SLC6A19: variants seen among roughly 807,000 people sequenced by gnomAD.
SLC6A19 encodes solute carrier family 6 member 19.
SLC6A19 carries 67 observed loss-of-function variants against 68.3 expected under a neutral mutation model. The ratio of observed to expected loss-of-function variants is 0.98; its 90% confidence interval spans 0.81 to 1.20. The LOEUF is 1.20. Ranked by LOEUF, SLC6A19 falls within the 50% of genes most tolerant of loss-of-function variation. SLC6A19 has a pLI of 0.00. For missense variants in SLC6A19, 813 were observed against 851.6 expected, an observed-to-expected ratio of 0.95 and a Z score of 0.56; for synonymous variants, 392 against 374.9, an observed-to-expected ratio of 1.05 and a Z score of -0.53.
intron 1 of SLC6A19, among the ~76,000 whole-genome samples, chr5:1,203,252 G>T (rs1386426264): frequency 6.6e-6 from 1 of 152,172 alleles, no homozygotes; most frequent in Non-Finnish European, 1.5e-5. Flanking sequence ...TAAGATGCGG[G>T]CTTGGGCAGG....
At chr5:1,208,622 C>A in intron 1 of SLC6A19, 124 bp from the exon 2 acceptor site, 1 of 1,340,454 alleles carries the variant, frequency 7.5e-7, no homozygotes. Flanking sequence ...CATCTCAGCT[C>A]TGTTCCCAAG....
chr5:1,202,717 G>T (rs929639447), intron 1 of SLC6A19, among the ~76,000 whole-genome samples: 25 of 152,172 alleles, frequency 1.6e-4, no homozygotes, highest in Non-Finnish European at 2.8e-4. Context: ...CTCAGCCTCC[G>T]TTTAGAGGAG....
At chr5:1,217,040 C>A (rs900986118) in intron 8 of SLC6A19, 95 bp downstream of exon 8, 1 of 1,585,896 alleles carries the variant, frequency 6.3e-7, no homozygotes. Context: ...GTGGAGGACG[C>A]AGATGCTGAG....
At position 1,219,063 on chromosome 5, in the gene SLC6A19, A is replaced by G. The variant is rs1310554795; in HGVS notation, c.1334A>G (p.Asp445Gly). The G allele has an allele frequency of 2.0e-5, 32 of 1,613,754 alleles. No individual in the cohort carries two copies. The highest frequency in any genetic ancestry group is 2.3e-5 in the Non-Finnish European group (27 of 1,179,972). Residue 445 changes from aspartate to glycine, a missense_variant, in exon 9 of 12, where the codon GAC becomes GGC. Transcript: ENST00000304460. ...NMEGVVVPLQ[D>G]LRVIPPKWPK... is the part of the protein sequence containing the mutation. ...GAGGGCGTCGTTGTGCCCCTGCAGG[A>G]CCTCAGAGTCATCCCCCCGAAGTGG...
At position 1,222,051 on chromosome 5, in the gene SLC6A19, C is replaced by G. The variant is rs1287597849; in HGVS notation, c.*147C>G. 9.1e-6 allele frequency: 8 copies of G among 877,872 alleles called. No homozygotes were observed. The highest frequency in any genetic ancestry group is 5.3e-6 in the Non-Finnish European group (3 of 564,830). 54.4% of individuals were successfully genotyped at this position (877,872 alleles called of 1,614,324 possible). A position where few individuals can be genotyped will look rare whatever the true frequency, so the allele number is the denominator to read the frequency against. ...AGTGTGTGTATTGTACACGCATGTG[C>G]CATGTGTGCAGATATGTATCGTGTG... is the stretch of plus-strand genomic sequence containing the variant. On this transcript the variant is annotated 3_prime_UTR_variant, in exon 12 of 12. Transcript: ENST00000304460.
Position 1,214,045 on chromosome 5 carries a change from C to T in SLC6A19, c.867C>T (p.Phe289=). Residue 289 remains phenylalanine (F), a synonymous_variant, in exon 6 of 12, where the codon TTC becomes TTT. Transcript: ENST00000304460. This position sits in a 1 kb window ranked among gnomAD's most constrained non-coding sequence, Gnocchi z 7.4. ...FSLAFGGLIS[F]SSYNSVHNNC... is the part of the protein sequence containing the mutation. The stretch of plus-strand genomic sequence containing the variant: ...TGGCCTTCGGGGGCCTCATCTCCTT[C>T]TCCAGCTACAACTCTGTGCAGTGAG... The T allele has an allele frequency of 8.7e-6, 14 of 1,613,894 alleles. No homozygotes were observed. Among genetic ancestry groups the T allele is most frequent in the Non-Finnish European group, 1.2e-5 (14 of 1,180,012 alleles).
chr5:1,210,096 T>A (rs534310019), intron 2 of SLC6A19, among the ~76,000 whole-genome samples: 1 of 152,306 alleles, frequency 6.6e-6, no homozygotes, highest in African/African-American at 2.4e-5. Context: ...ACATCAAAAG[T>A]TCTCTGCGAA....
In SLC6A19 at chr5:1,215,335, A is replaced by C. The variant is rs1746177384; in HGVS notation, c.888-1223A>C. 6.6e-6 allele frequency among the ~76,000 whole-genome samples: 1 copy of C among 152,246 alleles called. No homozygotes were observed. Among genetic ancestry groups the C allele is most frequent in the Admixed American group, 6.5e-5 (1 of 15,294 alleles). On this transcript the variant is annotated intron_variant, in intron 6 of 11. Transcript: ENST00000304460. This position sits in a 1 kb window ranked among gnomAD's most constrained non-coding sequence, Gnocchi z 5.1. Reference sequence around the variant, plus strand: ...AGTACATTCACAGAGTTGTGAAGCCAGCCATCAGCACTGTCCAGTTCTAGA... The same window carrying C: ...AGTACATTCACAGAGTTGTGAAGCCCGCCATCAGCACTGTCCAGTTCTAGA...
At position 1,219,682 on chromosome 5, in the gene SLC6A19, G is replaced by T. The variant is rs761079636; in HGVS notation, c.1538+18G>T. 6.2e-6 allele frequency: 10 copies of T among 1,601,872 alleles called. No homozygotes were observed. The Admixed American group carries it at 1.7e-4, about 27-fold the overall frequency. ...GTGGACAGGTAGGGGCCACGGTGGG[G>T]ACAGGTGCCTCTAATGCAGAAAAGC... On this transcript the variant is annotated intron_variant, in intron 10 of 11. Transcript: ENST00000304460.
chr5:1,210,444 G>A lies in SLC6A19; in HGVS notation c.344G>A (p.Gly115Asp). ...SSIHPALKGLGLASMLTSFMV... is the reference protein window; with the variant it reads ...SSIHPALKGLDLASMLTSFMV... ...AGCCTCAGCAGCAGCCTCCCTGCAG[G>A]CCTGGCCTCCATGCTCACGTCCTTC... is the stretch of plus-strand genomic sequence containing the variant. Residue 115 changes from glycine (G) to aspartate (D), a missense_variant and splice_region_variant, in exon 3 of 12, where the codon GGC (glycine) becomes GAC (aspartate). Gly to Asp is a moderately conservative substitution (Grantham distance 94, BLOSUM62 -1). Coordinates refer to ENST00000304460, the MANE Select transcript of SLC6A19 (RefSeq NM_001003841.3). The A allele has an allele frequency of 6.2e-7, 1 of 1,612,982 alleles. No homozygotes were observed.
At chr5:1,202,111 A>G (rs1745722857) in intron 1 of SLC6A19, among the ~76,000 whole-genome samples, 1 of 152,076 alleles carries the variant, frequency 6.6e-6, no homozygotes, top group Admixed American at 6.5e-5. Context: ...TGTGTTCCAG[A>G]CTGGCAGTCC....
intron 8 of SLC6A19, among the ~76,000 whole-genome samples, chr5:1,217,155 G>C (rs1236906612): frequency 6.6e-6 from 1 of 152,370 alleles, no homozygotes; most frequent in Non-Finnish European, 1.5e-5. Context: ...CACTTCCGAG[G>C]CTCCTGTTAA....
In SLC6A19 at chr5:1,214,212, CCA is replaced by C; in HGVS notation, c.887+148_887+149del. On this transcript the variant is annotated intron_variant, in intron 6 of 11. Transcript: ENST00000304460. The surrounding 1 kb of genome is among the most constrained non-coding windows in gnomAD (Gnocchi z 7.4). ...GGGCCCGTTCCCTCCTGCTCGGGGT[CCA>C]TGTGAGCTGAGTCTAGAGTGCAGCA... 6.9e-7 allele frequency: 1 copy of C among 1,459,386 alleles called. No homozygotes were observed. The highest frequency in any genetic ancestry group is 9.2e-7 in the Non-Finnish European group (1 of 1,088,682). The allele number at this position is 1,459,386 out of a possible 1,614,324, so 90.4% of individuals were successfully genotyped here.
Position 1,224,391 on chromosome 5 carries a change from G to C in SLC6A19, c.*2487G>C, listed in dbSNP as rs1405723261. On this transcript the variant is annotated 3_prime_UTR_variant, in exon 12 of 12. Coordinates refer to ENST00000304460, the MANE Select transcript of SLC6A19 (RefSeq NM_001003841.3). ...CCTTCTATTGAGTATGCTCACCCTA[G>C]AAGTTACTGTTGTCCAGACGTAGAG... The C allele has an allele frequency of 6.6e-6, 1 of 152,246 alleles. No homozygotes were observed. Among genetic ancestry groups the C allele is most frequent in the Non-Finnish European group, 1.5e-5 (1 of 68,046 alleles). 9.4% of individuals were successfully genotyped at this position (152,246 alleles called of 1,614,324 possible). A position where few individuals can be genotyped will look rare whatever the true frequency, so the allele number is the denominator to read the frequency against.
At chr5:1,204,473 AG>A (rs141275033) in intron 1 of SLC6A19, among the ~76,000 whole-genome samples, 16 of 152,342 alleles carry the variant, frequency 1.1e-4, no homozygotes, top group African/African-American at 3.6e-4. Flanking sequence ...AAAAGCCGTG[AG>A]GCGTGGTCAG....
intron 1 of SLC6A19, among the ~76,000 whole-genome samples, chr5:1,207,896 C>G (rs1745900633): frequency 6.6e-6 from 1 of 152,082 alleles, no homozygotes; most frequent in Non-Finnish European, 1.5e-5. Flanking sequence ...GAGAATTAGC[C>G]CCAGAATGAT....
chr5:1,219,790 C>T (rs1297551033), intron 10 of SLC6A19, 126 bp downstream of exon 10: 15 of 1,334,638 alleles, frequency 1.1e-5, no homozygotes, highest in Admixed American at 3.7e-5. Flanking sequence ...GGGCCTCGGC[C>T]GGCCACAGAG....
At chr5:1,211,063 T>TG (rs1377322538) in intron 3 of SLC6A19, among the ~76,000 whole-genome samples, 1 of 152,122 alleles carries the variant, frequency 6.6e-6, no homozygotes, top group African/African-American at 2.4e-5. Context: ...ACGTGTGACA[T>TG]GCAATCAGCT....
chr5:1,216,499 G>T (rs2126508979), intron 6 of SLC6A19, 59 bp from the exon 7 acceptor site: 1 of 1,612,320 alleles, frequency 6.2e-7, no homozygotes, highest in Non-Finnish European at 8.5e-7. Context: ...TGCTGCCCTG[G>T]GCTGTGTCCT....
Sources: allele counts gnomAD v4.1 joint callset (sites outside exome capture counted in the v4.1 genomes callset), GRCh38; gene constraint gnomAD v4.1.1; non-coding constraint Gnocchi (gnomAD v3.1); transcripts MANE v1.5; gene names NCBI Gene and HGNC (gene_info 2026-07-23, HGNC 2026-07-21).